PSME3IP1: variants seen among roughly 807,000 people sequenced by gnomAD.
PSME3IP1 encodes PSME3-interacting protein.
A neutral mutation model predicts 34.1 loss-of-function variants in PSME3IP1; 13 were observed. The observed-to-expected ratio is 0.38, with a 90% CI of 0.25 to 0.61. PSME3IP1 has a LOEUF of 0.61. Among genes scored for constraint, PSME3IP1 ranks in the 20% least tolerant of loss-of-function variants. The pLI is 0.60. For missense variants in PSME3IP1, 237 were observed against 301.4 expected (o/e 0.79, Z 1.58); for synonymous variants, 93 against 114.3 (o/e 0.81, Z 1.19).
chr16:57,174,023 C>A, intron 1 of PSME3IP1, 154 bp from the exon 2 acceptor site: 1 of 744,956 alleles, frequency 1.3e-6, no homozygotes, highest in Non-Finnish European at 2.1e-6. Context: ...CGGCCGGGTG[C>A]GGTGGCTCAT....
Position 57,172,867 on chromosome 16 carries a change from T to C in PSME3IP1, c.135A>G (p.Pro45=), listed in dbSNP as rs2072756804. The change falls in exon 3 of 7, where the codon CCA becomes CCG. Residue 45 remains proline (P), a synonymous_variant. Transcript: ENST00000309137. Reference sequence around the variant, plus strand: ...GAGATCGAGGGTCATAAACCTCCTCTGGACATTCTGAAAGGAAAAGGAGAG... The same window carrying C: ...GAGATCGAGGGTCATAAACCTCCTCCGGACATTCTGAAAGGAAAAGGAGAG... ...VRKPEDPEEC[P]EEVYDPRSLY... The C allele has an allele frequency of 6.2e-7, 1 of 1,605,290 alleles. No individual in the cohort carries two copies. The highest frequency in any genetic ancestry group is 1.7e-5 in the Admixed American group (1 of 59,986).
Position 57,186,015 on chromosome 16 carries a change from G to T in PSME3IP1, c.-210C>A. 2.0e-6 allele frequency: 2 copies of T among 985,318 alleles called. No homozygotes were observed. The highest frequency in any genetic ancestry group is 2.4e-6 in the Non-Finnish European group (2 of 829,926). The allele number at this position is 985,318 out of a possible 1,614,324, so 61.0% of individuals were successfully genotyped here. On this transcript the variant is annotated 5_prime_UTR_variant, in exon 1 of 7. Coordinates refer to ENST00000309137, the MANE Select transcript of PSME3IP1 (RefSeq NM_024946.4). ...TTTGTATTTCTTTTGACCCTTCAGGGCTTCCTGTTCCTCACCGCCACAATA... is the reference window on the plus strand; with the variant it reads ...TTTGTATTTCTTTTGACCCTTCAGGTCTTCCTGTTCCTCACCGCCACAATA...
At chr16:57,185,397 C>A in intron 1 of PSME3IP1, 2 of 623,156 alleles carry the variant, frequency 3.2e-6, no homozygotes, top group Non-Finnish European at 4.0e-6. Context: ...GTACATGGCA[C>A]ACAATAAATG....
intron 1 of PSME3IP1, 84 bp downstream of exon 1, chr16:57,185,737 C>T (rs543467111): frequency 1.0e-6 from 1 of 985,480 alleles, no homozygotes; most frequent in East Asian, 1.1e-4. Context: ...GGCCCTAACC[C>T]TAACAGCAGC....
intron 6 of PSME3IP1, among the ~76,000 whole-genome samples, chr16:57,157,837 A>G (rs530483498): frequency 6.6e-6 from 1 of 152,350 alleles, no homozygotes; most frequent in South Asian, 2.1e-4. Context: ...AAAAGCAAAT[A>G]CAAAAATTCA....
At chr16:57,160,347 G>A (rs916084075) in intron 6 of PSME3IP1, among the ~76,000 whole-genome samples, 4 of 151,822 alleles carry the variant, frequency 2.6e-5, no homozygotes, top group Non-Finnish European at 5.9e-5. Flanking sequence ...GTGTGTGTGT[G>A]TATACACATA....
At chr16:57,165,057 AAAAAG>A (rs1398305030) in intron 5 of PSME3IP1, among the ~76,000 whole-genome samples, 1 of 151,632 alleles carries the variant, frequency 6.6e-6, no homozygotes, top group Non-Finnish European at 1.5e-5. Flanking sequence ...AAAAGAAAAG[AAAAAG>A]AAAAGAGAAT....
Position 57,154,247 on chromosome 16 carries a change from G to T in PSME3IP1, c.*43C>A. 1 of 1,580,588 alleles carries T rather than the reference G, an allele frequency of 6.3e-7. No homozygotes were observed. The highest frequency in any genetic ancestry group is 2.2e-5 in the East Asian group (1 of 44,740). ...TGCCTATAGGCAGCATGAACGGTCC[G>T]ATCTACCCTTGGGGAGGAGCTCCCT... On this transcript the variant is annotated 3_prime_UTR_variant, in exon 7 of 7. Coordinates refer to ENST00000309137, the MANE Select transcript of PSME3IP1 (RefSeq NM_024946.4). The surrounding 1 kb of genome is among the most constrained non-coding windows in gnomAD (Gnocchi z 4.0).
chr16:57,167,061 G>A, intron 5 of PSME3IP1, 32 bp downstream of exon 5: 1 of 1,611,240 alleles, frequency 6.2e-7, no homozygotes, highest in Non-Finnish European at 8.5e-7. Context: ...CACGGTCAGA[G>A]AGAAATCTGA....
chr16:57,154,455 G>C lies in PSME3IP1; in HGVS notation c.600C>G (p.Ile200Met), dbSNP rs763341398. ...TACATACTGCAGCAGAGGGGCAGTGGATGGAGGGGCCACTCAGGGAGGTGT... is the reference window on the plus strand; with the variant it reads ...TACATACTGCAGCAGAGGGGCAGTGCATGGAGGGGCCACTCAGGGAGGTGT... ...LGNTSLSGPS[I>M]HCPSAAVCIG... The change falls in exon 7 of 7, where the codon ATC becomes ATG. Residue 200 changes from isoleucine (I) to methionine (M), a missense_variant. Transcript: ENST00000309137. The surrounding 1 kb of genome is among the most constrained non-coding windows in gnomAD (Gnocchi z 4.0). 3.7e-6 allele frequency: 6 copies of C among 1,613,934 alleles called. No individual in the cohort carries two copies. The South Asian group carries it at 6.6e-5, about 18-fold the overall frequency.
At chr16:57,174,579 T>G (rs1425453316) in intron 1 of PSME3IP1, 8 of 985,338 alleles carry the variant, frequency 8.1e-6, no homozygotes, top group Non-Finnish European at 4.8e-6. Context: ...TGTTTCTTCT[T>G]GAAATTCCTG....
chr16:57,173,611 A>G (rs997431655), intron 2 of PSME3IP1, 117 bp downstream of exon 2: 2 of 1,239,702 alleles, frequency 1.6e-6, no homozygotes, highest in Non-Finnish European at 2.2e-6. Context: ...CCTGGGCAAC[A>G]GAGTGAGACT....
chr16:57,164,771 C>T (rs2071655780), intron 5 of PSME3IP1, among the ~76,000 whole-genome samples: 1 of 152,104 alleles, frequency 6.6e-6, no homozygotes, highest in Non-Finnish European at 1.5e-5. Context: ...GTGGCTGACG[C>T]CTGTAATCCC....
At chr16:57,164,936 CAT>C (rs2071676044) in intron 5 of PSME3IP1, among the ~76,000 whole-genome samples, 5 of 151,152 alleles carry the variant, frequency 3.3e-5, no homozygotes, top group Admixed American at 3.3e-4. Context: ...GAGGCTGAGG[CAT>C]GAGAATCGCT....
At chr16:57,171,073 C>CA (rs142907841) in intron 4 of PSME3IP1, among the ~76,000 whole-genome samples, 52,831 of 147,944 alleles carry the variant, frequency 0.36, 9,604 homozygotes, top group South Asian at 0.47. Flanking sequence ...AACTCCATCT[C>CA]AAAAAAAAAA....
At chr16:57,184,240 C>T (rs1311585645) in intron 1 of PSME3IP1, among the ~76,000 whole-genome samples, 2 of 144,168 alleles carry the variant, frequency 1.4e-5, no homozygotes, top group African/African-American at 5.4e-5. Context: ...TTAGTTAAAT[C>T]GATAAAAAAA....
intron 1 of PSME3IP1, among the ~76,000 whole-genome samples, chr16:57,184,159 T>G (rs1277047578): frequency 6.6e-6 from 1 of 152,060 alleles, no homozygotes; most frequent in African/African-American, 2.4e-5. Flanking sequence ...TGGAAATAAC[T>G]TGAGAATAAA....
chr16:57,162,824 C>T (rs1358363706), intron 6 of PSME3IP1, among the ~76,000 whole-genome samples: 1 of 151,792 alleles, frequency 6.6e-6, no homozygotes, highest in Non-Finnish European at 1.5e-5. Flanking sequence ...TTAAAAGATA[C>T]ATATTTACAA....
At chr16:57,169,234 T>C (rs1385131019) in intron 4 of PSME3IP1, among the ~76,000 whole-genome samples, 1 of 152,204 alleles carries the variant, frequency 6.6e-6, no homozygotes, top group African/African-American at 2.4e-5. Flanking sequence ...ATTGCACCGT[T>C]TTTTAACATA....
Sources: gnomAD v4.1 joint callset for allele counts (sites outside exome capture counted in the v4.1 genomes callset) on GRCh38, gnomAD v4.1.1 for gene constraint, Gnocchi (gnomAD v3.1) non-coding constraint, MANE v1.5 for transcripts, NCBI Gene and HGNC (gene_info 2026-07-23, HGNC 2026-07-21) for gene names.